NBEA: variants seen among roughly 807,000 people sequenced by gnomAD.
NBEA encodes lysosomal-trafficking regulator 2.
Under a neutral mutation model 343.4 loss-of-function variants are expected in NBEA, and 44 were observed. The ratio of observed to expected loss-of-function variants is 0.13; its 90% CI spans 0.10 to 0.16. NBEA has a LOEUF of 0.16. NBEA is among the 10% of genes least tolerant of loss of function. NBEA has a pLI of 1.00. For missense variants in NBEA, 2,555 were observed against 3,631.3 expected, an observed-to-expected ratio of 0.70 and a Z score of 7.62; for synonymous variants, 1,175 against 1,238.7, an observed-to-expected ratio of 0.95 and a Z score of 1.08.
chr13:35,215,026 A>G (rs1024759763), intron 33 of NBEA, among the ~76,000 whole-genome samples: 2 of 151,594 alleles, frequency 1.3e-5, no homozygotes, highest in Non-Finnish European at 3.0e-5. Context: ...ATATGTCACT[A>G]CTGCACTATC....
At chr13:35,253,390 GTGA>G (rs1217110733) in intron 34 of NBEA, among the ~76,000 whole-genome samples, 2 of 152,140 alleles carry the variant, frequency 1.3e-5, no homozygotes, top group African/African-American at 4.8e-5. Flanking sequence ...TATGTACTTT[GTGA>G]TTGTTAGCCA....
intron 10 of NBEA, among the ~76,000 whole-genome samples, chr13:35,095,840 A>G (rs1455747821): frequency 6.6e-6 from 1 of 151,990 alleles, no homozygotes; most frequent in Non-Finnish European, 1.5e-5. Context: ...TCTATGTTGT[A>G]TTAGTTTTGG....
intron 10 of NBEA, among the ~76,000 whole-genome samples, chr13:35,072,858 T>G (rs117212670): frequency 0.046 from 6,957 of 152,230 alleles, 239 homozygotes; most frequent in Non-Finnish European, 0.067. Context: ...CCACTATGCC[T>G]GGCCCTGTTT....
chr13:35,118,400 A>G lies in NBEA; in HGVS notation c.2169A>G (p.Leu723=). 6.2e-7 allele frequency: 1 copy of G among 1,606,394 alleles called. No homozygotes were observed. Among genetic ancestry groups the G allele is most frequent in the Non-Finnish European group, 8.5e-7 (1 of 1,176,690 alleles). ...MHEDENIHDV[L]QLLVALMSEH... ...AGGATGAAAATATTCATGATGTGCT[A>G]CAGTTACTGGTGGCTTTAATGTCGG... Residue 723 remains leucine (L), a synonymous_variant, in exon 16 of 59, where the codon CTA becomes CTG. Coordinates refer to ENST00000379939, the MANE Select transcript of NBEA (RefSeq NM_001385012.1).
At chr13:34,984,546 T>A (rs1203803112) in intron 1 of NBEA, among the ~76,000 whole-genome samples, 1 of 151,474 alleles carries the variant, frequency 6.6e-6, no homozygotes, top group East Asian at 1.9e-4. Flanking sequence ...TGGTTGCATA[T>A]GAACTTTAAA....
At chr13:35,504,973 C>T (rs999843375) in intron 41 of NBEA, among the ~76,000 whole-genome samples, 1 of 152,030 alleles carries the variant, frequency 6.6e-6, no homozygotes, top group East Asian at 1.9e-4. Flanking sequence ...AAAAATGCTA[C>T]GATTATCGGA....
intron 36 of NBEA, among the ~76,000 whole-genome samples, chr13:35,314,512 T>G (rs577449675): frequency 4.6e-5 from 7 of 152,278 alleles, no homozygotes; most frequent in African/African-American, 1.2e-4. Context: ...AATTTTTCCC[T>G]GATTTATATT....
intron 31 of NBEA, among the ~76,000 whole-genome samples, chr13:35,207,448 A>G (rs2073468997): frequency 6.6e-6 from 1 of 152,132 alleles, no homozygotes; most frequent in Non-Finnish European, 1.5e-5. Flanking sequence ...TTGTAGATGA[A>G]TAAATTCTGT....
At chr13:35,272,823 G>A (rs1271443298) in intron 34 of NBEA, among the ~76,000 whole-genome samples, 26 of 152,042 alleles carry the variant, frequency 1.7e-4, no homozygotes, top group Admixed American at 1.7e-3. Flanking sequence ...ATATATACGT[G>A]CCCAATATAG....
At chr13:35,122,090 C>A (rs1018514116) in intron 16 of NBEA, among the ~76,000 whole-genome samples, 1 of 151,744 alleles carries the variant, frequency 6.6e-6, no homozygotes, top group African/African-American at 2.4e-5. Context: ...TGAATATGGC[C>A]CTACTTTTAT....
chr13:35,512,605 C>T (rs147592347), intron 41 of NBEA, among the ~76,000 whole-genome samples: 1 of 152,328 alleles, frequency 6.6e-6, no homozygotes, highest in Non-Finnish European at 1.5e-5. Flanking sequence ...GTACTTTCAG[C>T]TTGCCTGAGT....
intron 34 of NBEA, among the ~76,000 whole-genome samples, chr13:35,233,408 A>G (rs2075076661): frequency 6.6e-6 from 1 of 152,086 alleles, no homozygotes; most frequent in Non-Finnish European, 1.5e-5. Context: ...CAGTGTTTCT[A>G]TTAGGAAGAC....
At chr13:34,987,089 G>A (rs1304660399) in intron 1 of NBEA, among the ~76,000 whole-genome samples, 2 of 151,064 alleles carry the variant, frequency 1.3e-5, no homozygotes, top group African/African-American at 2.4e-5. Context: ...AGTTGATGCA[G>A]TTTCTTCCTA....
At chr13:35,020,727 C>G (rs545847916) in intron 1 of NBEA, among the ~76,000 whole-genome samples, 34 of 152,250 alleles carry the variant, frequency 2.2e-4, no homozygotes, top group African/African-American at 7.9e-4. Context: ...GCCATGTTGG[C>G]CAGGCTGGTC....
intron 34 of NBEA, among the ~76,000 whole-genome samples, chr13:35,279,744 T>C (rs892092976): frequency 6.6e-6 from 1 of 152,140 alleles, no homozygotes; most frequent in African/African-American, 2.4e-5. Context: ...CAGTCTGTCC[T>C]TCTCAGGTAT....
intron 38 of NBEA, among the ~76,000 whole-genome samples, chr13:35,408,813 C>A (rs61948744): frequency 6.6e-6 from 1 of 152,010 alleles, no homozygotes; most frequent in African/African-American, 2.4e-5. Context: ...ATCTCACACC[C>A]GTCAGAATAT....
intron 36 of NBEA, among the ~76,000 whole-genome samples, chr13:35,310,406 T>C (rs1594165598): frequency 1.3e-5 from 2 of 152,152 alleles, no homozygotes; most frequent in African/African-American, 4.8e-5. Flanking sequence ...GAAAGGGCAA[T>C]AGTTGAAGCT....
chr13:35,332,052 C>T (rs946845127), intron 36 of NBEA, among the ~76,000 whole-genome samples: 10 of 152,100 alleles, frequency 6.6e-5, no homozygotes, highest in Admixed American at 5.9e-4. Context: ...ATAACATACT[C>T]ATGCATTCAT....
intron 34 of NBEA, among the ~76,000 whole-genome samples, chr13:35,273,134 A>G (rs1047106488): frequency 2.6e-5 from 4 of 152,214 alleles, no homozygotes; most frequent in Non-Finnish European, 5.9e-5. Context: ...GAAAAAGAAC[A>G]GAAATCACAA....
Sources: allele counts gnomAD v4.1 joint callset (sites outside exome capture counted in the v4.1 genomes callset), GRCh38; gene constraint gnomAD v4.1.1; transcripts MANE v1.5; gene names NCBI Gene and HGNC (gene_info 2026-07-23, HGNC 2026-07-21).